DIP2C: variants seen among roughly 807,000 people sequenced by gnomAD.
The protein encoded by DIP2C is disco-interacting protein 2 homolog C.
A neutral mutation model predicts 192.4 loss-of-function variants in DIP2C; 33 were observed. That is an observed-to-expected ratio of 0.17 (90% CI 0.13 to 0.23). DIP2C has a LOEUF of 0.23. Ranked by LOEUF, DIP2C falls within the 10% of genes least tolerant of loss-of-function variation. The pLI, the probability that DIP2C is intolerant of heterozygous loss-of-function variation, is 1.00. For synonymous variants in DIP2C, 979 were observed against 864.1 expected (o/e 1.13, Z -2.33); for missense variants, 1,537 against 2,110.1 (o/e 0.73, Z 5.32).
chr10:688,333 C>T (rs1349760845), intron 1 of DIP2C, among the ~76,000 whole-genome samples: 1 of 152,126 alleles, frequency 6.6e-6, no homozygotes, highest in Non-Finnish European at 1.5e-5. Flanking sequence ...TTTCCCGTCC[C>T]CAGAAGTCTG....
chr10:582,168 C>T (rs988908689), intron 1 of DIP2C, among the ~76,000 whole-genome samples: 3 of 152,160 alleles, frequency 2.0e-5, no homozygotes, highest in African/African-American at 4.8e-5. Context: ...TACAAAAACC[C>T]GGTTCCTAAC....
intron 3 of DIP2C, among the ~76,000 whole-genome samples, chr10:453,818 G>A (rs1039715549): frequency 1.3e-5 from 2 of 152,234 alleles, no homozygotes. Context: ...TCTCAGGCAG[G>A]GAGGGATATT....
intron 1 of DIP2C, among the ~76,000 whole-genome samples, chr10:623,349 C>G (rs536364077): frequency 5.9e-5 from 9 of 151,672 alleles, no homozygotes; most frequent in African/African-American, 1.2e-4. Flanking sequence ...TGCAGCCGTG[C>G]TGGCGAGGGA....
intron 18 of DIP2C, among the ~76,000 whole-genome samples, chr10:366,770 G>C (rs1439091375): frequency 1.3e-5 from 2 of 152,164 alleles, no homozygotes; most frequent in Non-Finnish European, 2.9e-5. Flanking sequence ...GGTGCAACTT[G>C]ACCTCTGCAA....
intron 17 of DIP2C, among the ~76,000 whole-genome samples, chr10:378,933 G>A (rs1040811915): frequency 2.0e-4 from 30 of 152,332 alleles, no homozygotes; most frequent in Admixed American, 1.2e-3. Flanking sequence ...GAGGACAGGC[G>A]AGTCACCAGC....
At chr10:512,549 C>T (rs1846082924) in intron 1 of DIP2C, among the ~76,000 whole-genome samples, 1 of 152,154 alleles carries the variant, frequency 6.6e-6, no homozygotes, top group Non-Finnish European at 1.5e-5. Flanking sequence ...TGCGTTGCTG[C>T]ACTCCAGCCT....
chr10:400,497 C>G (rs1964329897), intron 9 of DIP2C, among the ~76,000 whole-genome samples: 1 of 152,260 alleles, frequency 6.6e-6, no homozygotes, highest in South Asian at 2.1e-4. Flanking sequence ...ATTAGCGTTA[C>G]TCTTCCTTCT....
intron 1 of DIP2C, among the ~76,000 whole-genome samples, chr10:608,877 G>GT (rs1266293786): frequency 6.6e-6 from 1 of 151,414 alleles, no homozygotes; most frequent in East Asian, 2.0e-4. Flanking sequence ...AAAAGATCTT[G>GT]TATAGAAATA....
At chr10:559,845 G>T (rs1849106997) in intron 1 of DIP2C, among the ~76,000 whole-genome samples, 1 of 152,184 alleles carries the variant, frequency 6.6e-6, no homozygotes, top group African/African-American at 2.4e-5. Context: ...GCACAGCACG[G>T]TCCAGCCACA....
At chr10:565,533 C>CA (rs1455973955) in intron 1 of DIP2C, among the ~76,000 whole-genome samples, 1 of 152,050 alleles carries the variant, frequency 6.6e-6, no homozygotes, top group Admixed American at 6.6e-5. Flanking sequence ...TCAGTTTTTC[C>CA]AATCGTAAGA....
At chr10:383,924 G>A (rs1962613907) in intron 16 of DIP2C, 103 bp downstream of exon 16, 4 of 1,362,096 alleles carry the variant, frequency 2.9e-6, no homozygotes, top group Non-Finnish European at 2.8e-6. Flanking sequence ...TGAAACCTGG[G>A]GAAAAAATAA....
At chr10:621,187 A>G (rs1853824081) in intron 1 of DIP2C, among the ~76,000 whole-genome samples, 1 of 152,204 alleles carries the variant, frequency 6.6e-6, no homozygotes, top group Non-Finnish European at 1.5e-5. Flanking sequence ...TTCGCCACTT[A>G]CCAAACAACA....
In DIP2C at chr10:548,197, G is replaced by A. The variant is rs78603876; in HGVS notation, c.86-61667C>T. Among the ~76,000 whole-genome samples, 31 of 111,012 alleles carry A rather than the reference G, an allele frequency of 2.8e-4. No homozygotes were observed. In the East Asian group the frequency reaches 8.3e-3, roughly 30 times the overall value. The allele number at this position is 111,012 out of a possible 152,430, so 72.8% of individuals were successfully genotyped here. On this transcript the variant is annotated intron_variant, in intron 1 of 36. Transcript: ENST00000280886. ...AGCACCTTTTCAGTCCAATTCACACGAGTCTGCCCCACCCCCCCCCCCACA... is the reference window on the plus strand; with the variant it reads ...AGCACCTTTTCAGTCCAATTCACACAAGTCTGCCCCACCCCCCCCCCCACA...
intron 1 of DIP2C, among the ~76,000 whole-genome samples, chr10:624,676 C>T (rs950230032): frequency 6.6e-6 from 1 of 152,154 alleles, no homozygotes; most frequent in Non-Finnish European, 1.5e-5. Flanking sequence ...TGACCTGAGG[C>T]AGCCCCCTGA....
chr10:318,368 A>G (rs1956867081), intron 31 of DIP2C, among the ~76,000 whole-genome samples: 1 of 152,070 alleles, frequency 6.6e-6, no homozygotes, highest in East Asian at 1.9e-4. Context: ...GCACAAACCA[A>G]TCGGGCTCTT....
At chr10:306,662 A>G in intron 32 of DIP2C, among the ~76,000 whole-genome samples, 1 of 152,218 alleles carries the variant, frequency 6.6e-6, no homozygotes, top group Non-Finnish European at 1.5e-5. Context: ...CTCTCATTTC[A>G]CTGCCTCCCG....
intron 1 of DIP2C, among the ~76,000 whole-genome samples, chr10:521,390 T>C (rs981475833): frequency 1.3e-5 from 2 of 152,134 alleles, no homozygotes; most frequent in Non-Finnish European, 2.9e-5. Context: ...GCCTCAATGA[T>C]AAGGAAAACT....
At chr10:484,270 T>C (rs993879251) in intron 2 of DIP2C, among the ~76,000 whole-genome samples, 2 of 152,224 alleles carry the variant, frequency 1.3e-5, no homozygotes, top group African/African-American at 2.4e-5. Flanking sequence ...AAGTAATTCT[T>C]ACCTTTGAAC....
intron 1 of DIP2C, among the ~76,000 whole-genome samples, chr10:490,905 A>T (rs1844391091): frequency 6.6e-6 from 1 of 152,210 alleles, no homozygotes; most frequent in Non-Finnish European, 1.5e-5. Context: ...CACCAGCAGA[A>T]GGTCGAATGA....
Sources: gnomAD v4.1 joint callset for allele counts (sites outside exome capture counted in the v4.1 genomes callset) on GRCh38, gnomAD v4.1.1 for gene constraint, MANE v1.5 for transcripts, NCBI Gene and HGNC (gene_info 2026-07-23, HGNC 2026-07-21) for gene names.